The following PXT1 variants were observed in gnomAD, a reference collection of about 807,000 sequenced individuals.
PXT1 encodes the protein peroxisomal testis enriched protein 1, also known as peroxisomal testis-specific protein 1.
In PXT1, 11 loss-of-function variants were observed where a neutral mutation model predicts 11.0. The ratio of observed to expected loss-of-function variants is 1.00; its 90% CI spans 0.63 to 1.66. The LOEUF is 1.66. Among genes scored for constraint, PXT1 ranks in the 40% most tolerant of loss-of-function variants. The probability of loss-of-function intolerance (pLI) is 0.00; values close to 1 mark genes in which losing one functional copy is unlikely to be tolerated. For missense variants in PXT1, 141 were observed against 155.5 expected, an observed-to-expected ratio of 0.91 and a Z score of 0.49; for synonymous variants, 43 against 51.4, an observed-to-expected ratio of 0.84 and a Z score of 0.70.
chr6:36,433,525 T>A (rs1271987992), intron 2 of PXT1, among the ~76,000 whole-genome samples: 2 of 151,810 alleles, frequency 1.3e-5, no homozygotes, highest in Non-Finnish European at 2.9e-5. Flanking sequence ...TTGCTCTACA[T>A]GAAAAGAGGC....
chr6:36,417,934 T>C (rs990160936), intron 3 of PXT1, among the ~76,000 whole-genome samples: 5 of 151,996 alleles, frequency 3.3e-5, no homozygotes, highest in East Asian at 3.9e-4. Flanking sequence ...GCGGTGGTCA[T>C]GCCTGTAATC....
intron 3 of PXT1, among the ~76,000 whole-genome samples, chr6:36,424,186 T>C (rs1466579564): frequency 6.6e-6 from 1 of 152,260 alleles, no homozygotes; most frequent in African/African-American, 2.4e-5. Context: ...TTGCACAACG[T>C]TGTGAGTATA....
At chr6:36,410,535 G>A (rs1774357911) in intron 3 of PXT1, among the ~76,000 whole-genome samples, 2 of 151,352 alleles carry the variant, frequency 1.3e-5, no homozygotes, top group South Asian at 2.1e-4. Context: ...AAGGGAGAAG[G>A]GAGGGAAAGA....
At chr6:36,415,726 G>A (rs1482060063) in intron 3 of PXT1, among the ~76,000 whole-genome samples, 1 of 152,186 alleles carries the variant, frequency 6.6e-6, no homozygotes, top group African/African-American at 2.4e-5. Flanking sequence ...GCAGATTGAG[G>A]AGAGAAATTA....
rs1237060280 is a variant in PXT1 at position 36,442,747 on chromosome 6, T to G, written c.-342A>C. On this transcript the variant is annotated 5_prime_UTR_variant, in exon 1 of 5. Coordinates refer to ENST00000454782, the MANE Select transcript of PXT1 (RefSeq NM_152990.4). ...CCGTCCTGGCGCTGCACGAGCGTAT[T>G]CTACAATTCCGAAAACTACTAACTT... 6.6e-6 allele frequency: 1 copy of G among 152,192 alleles called. No homozygotes were observed. The highest frequency in any genetic ancestry group is 1.5e-5 in the Non-Finnish European group (1 of 68,032). 9.4% of individuals were successfully genotyped at this position (152,192 alleles called of 1,614,324 possible).
chr6:36,417,607 A>AC (rs1774467274), intron 3 of PXT1, among the ~76,000 whole-genome samples: 1 of 150,252 alleles, frequency 6.7e-6, no homozygotes, highest in Non-Finnish European at 1.5e-5. Context: ...AAAAAAAAAA[A>AC]AAATCAAAAA....
chr6:36,420,538 T>C (rs1206606730), intron 3 of PXT1, among the ~76,000 whole-genome samples: 1 of 152,134 alleles, frequency 6.6e-6, no homozygotes, highest in Non-Finnish European at 1.5e-5. Context: ...CTAAGAACAA[T>C]AGTTGCCTAA....
chr6:36,436,243 A>C (rs1365181314), intron 2 of PXT1, among the ~76,000 whole-genome samples: 5 of 151,966 alleles, frequency 3.3e-5, no homozygotes, highest in Non-Finnish European at 7.4e-5. Context: ...AAAGTGAGAA[A>C]CTCTTTAAGG....
Position 36,415,890 on chromosome 6 carries a change from T to C in PXT1, c.169+10024A>G, listed in dbSNP as rs540745307. ...TTGAGACAGGACAGGAGATAAGATA[T>C]GATGCTCATTTAAGGAAGTCTGGAA... On this transcript the variant is annotated intron_variant, in intron 3 of 4. Transcript: ENST00000454782. Among the ~76,000 whole-genome samples, 6 of 152,230 alleles carry C rather than the reference T, an allele frequency of 3.9e-5. No homozygotes were observed. In the South Asian group the frequency reaches 8.3e-4, roughly 21 times the overall value.
intron 2 of PXT1, among the ~76,000 whole-genome samples, chr6:36,434,548 T>G (rs75004551): frequency 0.014 from 2,090 of 152,328 alleles, 46 homozygotes; most frequent in African/African-American, 0.045. Context: ...GTTCCAATCG[T>G]AATGGAACAT....
At chr6:36,441,928 A>T (rs1305380120) in intron 1 of PXT1, among the ~76,000 whole-genome samples, 1 of 152,144 alleles carries the variant, frequency 6.6e-6, no homozygotes, top group Non-Finnish European at 1.5e-5. Flanking sequence ...TCCAATTCCA[A>T]ATTAGTTTTC....
chr6:36,410,427 GCAA>G (rs1774356066), intron 3 of PXT1, among the ~76,000 whole-genome samples: 2 of 148,050 alleles, frequency 1.4e-5, no homozygotes, highest in South Asian at 4.4e-4. Context: ...GCCAGCCAGG[GCAA>G]CAAGAGTGAA....
chr6:36,392,791 A>T (rs1180566077), intron 4 of PXT1, among the ~76,000 whole-genome samples: 1 of 152,180 alleles, frequency 6.6e-6, no homozygotes, highest in Non-Finnish European at 1.5e-5. Flanking sequence ...ACCATGGGTC[A>T]GACACAAATG....
chr6:36,401,752 C>T (rs1024897913), intron 3 of PXT1, among the ~76,000 whole-genome samples: 1 of 151,462 alleles, frequency 6.6e-6, no homozygotes, highest in African/African-American at 2.4e-5. Flanking sequence ...TTCAGTTCCT[C>T]AATTGCACCA....
At chr6:36,434,491 CAATA>C (rs1434638411) in intron 2 of PXT1, among the ~76,000 whole-genome samples, 2 of 152,046 alleles carry the variant, frequency 1.3e-5, no homozygotes, top group African/African-American at 4.8e-5. Context: ...TTTTGAAAAG[CAATA>C]AATAAATTAG....
intron 2 of PXT1, among the ~76,000 whole-genome samples, chr6:36,432,136 G>A (rs1774701890): frequency 6.6e-6 from 1 of 152,050 alleles, no homozygotes; most frequent in Admixed American, 6.6e-5. Flanking sequence ...ATCATGAGGG[G>A]TGGACCTAAC....
At chr6:36,395,120 C>T (rs533276548) in intron 4 of PXT1, among the ~76,000 whole-genome samples, 3 of 152,124 alleles carry the variant, frequency 2.0e-5, no homozygotes, top group Admixed American at 2.0e-4. Flanking sequence ...CCACTGTGCC[C>T]GGCCTAAAAG....
chr6:36,406,639 C>T (rs572032819), intron 3 of PXT1, among the ~76,000 whole-genome samples: 1 of 151,860 alleles, frequency 6.6e-6, no homozygotes, highest in East Asian at 1.9e-4. Flanking sequence ...GGTGAAACCC[C>T]GTCTCTACTA....
At chr6:36,396,917 C>A (rs1479762314) in intron 4 of PXT1, among the ~76,000 whole-genome samples, 10 of 152,222 alleles carry the variant, frequency 6.6e-5, no homozygotes. Context: ...GAGGAGCCAC[C>A]CTTCCCAGGG....
Sources: allele counts gnomAD v4.1 joint callset (sites outside exome capture counted in the v4.1 genomes callset), GRCh38; gene constraint gnomAD v4.1.1; transcripts MANE v1.5; gene names NCBI Gene and HGNC (gene_info 2026-07-23, HGNC 2026-07-21).